The following AXIN1 variants were observed in gnomAD, a reference collection of about 807,000 sequenced individuals.
AXIN1 encodes the protein axin-1.
In AXIN1, 30 loss-of-function variants were observed where a neutral mutation model predicts 76.4. The observed-to-expected ratio is 0.39, with a 90% CI of 0.29 to 0.53. AXIN1 has a LOEUF of 0.53. AXIN1 is among the 20% of genes least tolerant of loss of function. AXIN1 has a pLI of 0.66. For synonymous variants in AXIN1, 545 were observed against 501.4 expected, an observed-to-expected ratio of 1.09 and a Z score of -1.16; for missense variants, 1,140 against 1,198.8, an observed-to-expected ratio of 0.95 and a Z score of 0.72.
At chr16:316,320 G>A (rs965971293) in intron 2 of AXIN1, among the ~76,000 whole-genome samples, 1 of 152,178 alleles carries the variant, frequency 6.6e-6, no homozygotes, top group Admixed American at 6.5e-5. Context: ...TGGAGATACA[G>A]CTGTTAGCAT....
intron 2 of AXIN1, among the ~76,000 whole-genome samples, chr16:329,389 G>T (rs1567295085): frequency 6.6e-6 from 1 of 151,806 alleles, no homozygotes; most frequent in Admixed American, 6.6e-5. Context: ...GATCTAGATA[G>T]AATAGTAGTA....
chr16:304,683 C>T (rs1471638181), intron 4 of AXIN1, among the ~76,000 whole-genome samples: 1 of 151,964 alleles, frequency 6.6e-6, no homozygotes, highest in Non-Finnish European at 1.5e-5. Context: ...TACAGGTGCC[C>T]GCCACCACGC....
In AXIN1 at chr16:293,233, G is replaced by T; in HGVS notation, c.2186+255C>A. The T allele has an allele frequency of 1.8e-6, 1 of 563,030 alleles. No homozygotes were observed. Among genetic ancestry groups the T allele is most frequent in the Non-Finnish European group, 3.2e-6 (1 of 314,006 alleles). 34.9% of individuals were successfully genotyped at this position (563,030 alleles called of 1,614,324 possible). A position where few individuals can be genotyped will look rare whatever the true frequency, so the allele number is the denominator to read the frequency against. Reference sequence around the variant, plus strand: ...CTGCAGACTGGGCTCAGGTTGAGGAGGGACCCCGCCTCCAGAGCAATGAGC... The same window carrying T: ...CTGCAGACTGGGCTCAGGTTGAGGATGGACCCCGCCTCCAGAGCAATGAGC... On this transcript the variant is annotated intron_variant, in intron 8 of 10. Transcript: ENST00000262320. The surrounding 1 kb of genome is among the most constrained non-coding windows in gnomAD (Gnocchi z 4.6).
intron 2 of AXIN1, among the ~76,000 whole-genome samples, chr16:333,594 A>C (rs994104630): frequency 6.6e-6 from 1 of 152,070 alleles, no homozygotes; most frequent in Admixed American, 6.5e-5. Context: ...TGGAGGGAAG[A>C]AAAAAAGCAC....
intron 2 of AXIN1, among the ~76,000 whole-genome samples, chr16:338,842 G>C (rs1172023015): frequency 2.0e-5 from 3 of 152,004 alleles, no homozygotes; most frequent in East Asian, 1.9e-4. Context: ...AGAATCACTT[G>C]AACCTGAGAG....
At chr16:340,640 T>A (rs1344729137) in intron 2 of AXIN1, among the ~76,000 whole-genome samples, 1 of 152,182 alleles carries the variant, frequency 6.6e-6, no homozygotes, top group Non-Finnish European at 1.5e-5. Context: ...CCAGCTCTGT[T>A]CAAAGTTCCA....
chr16:307,616 G>A (rs1433797661), intron 4 of AXIN1, among the ~76,000 whole-genome samples: 1 of 152,200 alleles, frequency 6.6e-6, no homozygotes, highest in Non-Finnish European at 1.5e-5. Context: ...ATGGGCAGGT[G>A]TTAAAGAGTC....
intron 2 of AXIN1, among the ~76,000 whole-genome samples, chr16:320,811 C>A (rs1264334316): frequency 1.3e-5 from 2 of 148,202 alleles, no homozygotes; most frequent in African/African-American, 5.1e-5. Context: ...GCGATCTCGG[C>A]TCACTACAAC....
At chr16:311,431 C>T (rs1054101310) in intron 3 of AXIN1, among the ~76,000 whole-genome samples, 1 of 152,168 alleles carries the variant, frequency 6.6e-6, no homozygotes, top group Non-Finnish European at 1.5e-5. Flanking sequence ...ATAACTCACG[C>T]ACAACCATCC....
chr16:305,158 G>A (rs1446499474), intron 4 of AXIN1, among the ~76,000 whole-genome samples: 1 of 152,252 alleles, frequency 6.6e-6, no homozygotes, highest in Non-Finnish European at 1.5e-5. Context: ...GTCTGGGAAA[G>A]GCAGGCTTTC....
At position 347,068 on chromosome 16, in the gene AXIN1, T is replaced by C; in HGVS notation, c.-43A>G. The C allele has an allele frequency of 6.2e-7, 1 of 1,613,306 alleles. No individual in the cohort carries two copies. Among genetic ancestry groups the C allele is most frequent in the Non-Finnish European group, 8.5e-7 (1 of 1,180,018 alleles). On this transcript the variant is annotated 5_prime_UTR_variant, in exon 2 of 11. Coordinates refer to ENST00000262320, the MANE Select transcript of AXIN1 (RefSeq NM_003502.4). Reference sequence around the variant, plus strand: ...AGGAACAATGAGCGCTGCACCCTAATACATCAGTACTTACAGCTCCAAAGT... The same window carrying C: ...AGGAACAATGAGCGCTGCACCCTAACACATCAGTACTTACAGCTCCAAAGT...
chr16:343,555 T>C (rs1187454710), intron 2 of AXIN1, among the ~76,000 whole-genome samples: 2 of 149,756 alleles, frequency 1.3e-5, no homozygotes, highest in African/African-American at 4.9e-5. Flanking sequence ...TACAGAAAAT[T>C]AGCTGGGCAT....
chr16:325,504 G>A (rs1163360938), intron 2 of AXIN1, among the ~76,000 whole-genome samples: 2 of 152,218 alleles, frequency 1.3e-5, no homozygotes, highest in East Asian at 1.9e-4. Flanking sequence ...AGTTGACCCC[G>A]AGGCCAACAG....
Position 293,581 on chromosome 16 carries a change from T to A in AXIN1, c.2093A>T (p.His698Leu). 4 of 1,611,660 alleles carry A rather than the reference T, an allele frequency of 2.5e-6. No homozygotes were observed. The highest frequency in any genetic ancestry group is 3.4e-6 in the Non-Finnish European group (4 of 1,179,676). The change falls in exon 8 of 11, where the codon CAC becomes CTC. Residue 698 changes from histidine (H) to leucine (L), a missense_variant. Around this residue, in one of 3 missense-constraint regions of AXIN1, gnomAD observed 429 missense variants for 405.8 expected, o/e 1.06. Transcript: ENST00000262320. The surrounding 1 kb of genome is among the most constrained non-coding windows in gnomAD (Gnocchi z 4.6). Reference sequence around the variant, plus strand: ...CTGGGTTAGGGGGTTGGGAGCTGGGTGGGGTGGCATGGTGGGGTCTTGGAT... The same window carrying A: ...CTGGGTTAGGGGGTTGGGAGCTGGGAGGGGTGGCATGGTGGGGTCTTGGAT... ...LFIQDPTMPP[H>L]PAPNPLTQLE...
intron 3 of AXIN1, 120 bp downstream of exon 3, chr16:314,423 G>T: frequency 2.0e-6 from 3 of 1,493,456 alleles, no homozygotes; most frequent in Non-Finnish European, 9.1e-7. Context: ...GCTGCCATCC[G>T]CAAGAAACAG....
chr16:305,968 G>A (rs1161814154), intron 4 of AXIN1, among the ~76,000 whole-genome samples: 1 of 152,142 alleles, frequency 6.6e-6, no homozygotes, highest in Non-Finnish European at 1.5e-5. Context: ...CTGGCCCTGT[G>A]TAACTTTCAA....
chr16:291,080 A>C, intron 9 of AXIN1, 110 bp downstream of exon 9: 1 of 1,013,108 alleles, frequency 9.9e-7, no homozygotes, highest in East Asian at 2.6e-5. Context: ...GCTGCTTCTG[A>C]GCGTGGTACC....
At chr16:313,533 A>G (rs1474999241) in intron 3 of AXIN1, among the ~76,000 whole-genome samples, 1 of 152,212 alleles carries the variant, frequency 6.6e-6, no homozygotes, top group Admixed American at 6.5e-5. Flanking sequence ...AGCTGCTCAC[A>G]AGTTCATAGC....
At chr16:297,362 G>T in intron 6 of AXIN1, 136 bp from the exon 7 acceptor site, 3 of 1,163,998 alleles carry the variant, frequency 2.6e-6, no homozygotes, top group Non-Finnish European at 3.7e-6. Flanking sequence ...CTGCCCGCTT[G>T]TCCCCCACCC....
Sources: allele counts gnomAD v4.1 joint callset (sites outside exome capture counted in the v4.1 genomes callset), GRCh38; gene constraint gnomAD v4.1.1; regional missense constraint gnomAD v4.1.1; non-coding constraint Gnocchi (gnomAD v3.1); transcripts MANE v1.5; gene names NCBI Gene and HGNC (gene_info 2026-07-23, HGNC 2026-07-21).